SULF1: variants seen among roughly 807,000 people sequenced by gnomAD.
SULF1 encodes the protein extracellular sulfatase Sulf-1.
In SULF1, 46 loss-of-function variants were observed where a neutral mutation model predicts 110.5. That is an observed-to-expected ratio of 0.42 (90% CI 0.33 to 0.53). The LOEUF (loss-of-function observed/expected upper bound fraction) is 0.53. SULF1 is among the 20% of genes least tolerant of loss of function. SULF1 has a pLI of 0.12. For synonymous variants in SULF1, 371 were observed against 387.1 expected, an observed-to-expected ratio of 0.96 and a Z score of 0.49; for missense variants, 941 against 1,094.2, an observed-to-expected ratio of 0.86 and a Z score of 1.98.
At chr8:69,560,010 G>A (rs907154043) in intron 3 of SULF1, among the ~76,000 whole-genome samples, 8 of 152,158 alleles carry the variant, frequency 5.3e-5, no homozygotes, top group Non-Finnish European at 8.8e-5. Flanking sequence ...AAATGTCAGC[G>A]CAGTGAAGAA....
At chr8:69,517,265 T>C (rs1424836882) in intron 3 of SULF1, among the ~76,000 whole-genome samples, 1 of 152,152 alleles carries the variant, frequency 6.6e-6, no homozygotes, top group Non-Finnish European at 1.5e-5. Context: ...TAATGGAAAT[T>C]ATCTGTCCAT....
intron 8 of SULF1, among the ~76,000 whole-genome samples, chr8:69,589,798 G>A (rs1806758367): frequency 6.6e-6 from 1 of 152,090 alleles, no homozygotes; most frequent in Non-Finnish European, 1.5e-5. Flanking sequence ...ACCAGCCAAA[G>A]GTGGAAAAAT....
At chr8:69,625,783 G>A (rs1450557318) in intron 15 of SULF1, among the ~76,000 whole-genome samples, 5 of 152,206 alleles carry the variant, frequency 3.3e-5, no homozygotes, top group Admixed American at 2.0e-4. Context: ...CAGTGTGGAA[G>A]GGGACCCAGG....
intron 22 of SULF1, among the ~76,000 whole-genome samples, chr8:69,652,143 A>AC (rs1473610731): frequency 6.6e-6 from 1 of 150,626 alleles, no homozygotes; most frequent in Non-Finnish European, 1.5e-5. Context: ...CTCGTTCTCT[A>AC]CCCCTCCTTC....
intron 1 of SULF1, among the ~76,000 whole-genome samples, chr8:69,473,867 C>T (rs1197840915): frequency 6.6e-6 from 1 of 152,082 alleles, no homozygotes; most frequent in Non-Finnish European, 1.5e-5. Flanking sequence ...TTTATTTTGT[C>T]CTATGATCTT....
intron 5 of SULF1, among the ~76,000 whole-genome samples, chr8:69,574,341 T>G (rs1805448746): frequency 6.6e-6 from 1 of 152,180 alleles, no homozygotes; most frequent in Non-Finnish European, 1.5e-5. Context: ...TCACTCTACT[T>G]GTTTCTTCCC....
intron 11 of SULF1, 110 bp from the exon 12 acceptor site, chr8:69,603,490 A>G: frequency 7.6e-7 from 1 of 1,312,238 alleles, no homozygotes; most frequent in Non-Finnish European, 1.1e-6. Flanking sequence ...ATGGAGATGC[A>G]CTCATGGTCT....
At chr8:69,509,846 C>T (rs184990764) in intron 3 of SULF1, among the ~76,000 whole-genome samples, 4 of 152,244 alleles carry the variant, frequency 2.6e-5, no homozygotes, top group Admixed American at 2.6e-4. Context: ...CTGAAATGTC[C>T]CTCCTGGGTA....
chr8:69,565,410 A>C (rs1211033093), intron 5 of SULF1, among the ~76,000 whole-genome samples: 2 of 152,168 alleles, frequency 1.3e-5, no homozygotes, highest in Non-Finnish European at 2.9e-5. Flanking sequence ...GGTCCATTTC[A>C]AGTTAGTTTA....
chr8:69,520,304 T>A (rs1563491146), intron 3 of SULF1, among the ~76,000 whole-genome samples: 1 of 152,288 alleles, frequency 6.6e-6, no homozygotes, highest in Non-Finnish European at 1.5e-5. Context: ...CTGTTTTTTT[T>A]TCCAATGAAA....
At chr8:69,484,183 C>T (rs929120810) in intron 1 of SULF1, among the ~76,000 whole-genome samples, 2 of 151,988 alleles carry the variant, frequency 1.3e-5, no homozygotes, top group Non-Finnish European at 1.5e-5. Context: ...ATGTCTTTTC[C>T]TCATATTTAG....
chr8:69,642,984 A>G (rs753106367), intron 22 of SULF1, among the ~76,000 whole-genome samples: 5 of 152,068 alleles, frequency 3.3e-5, no homozygotes, highest in Admixed American at 6.5e-5. Context: ...CAGGGGCAAC[A>G]TGGTGTTACC....
intron 2 of SULF1, among the ~76,000 whole-genome samples, chr8:69,497,708 A>T (rs1217902065): frequency 2.0e-5 from 3 of 152,162 alleles, no homozygotes; most frequent in Non-Finnish European, 4.4e-5. Flanking sequence ...AAATTTGATG[A>T]GTTTACAAAG....
Position 69,629,690 on chromosome 8 carries a change from T to A in SULF1, c.2284+11T>A. The A allele has an allele frequency of 6.3e-7, 1 of 1,585,932 alleles. No homozygotes were observed. The highest frequency in any genetic ancestry group is 1.1e-5 in the South Asian group (1 of 86,960). On this transcript the variant is annotated intron_variant, in intron 19 of 22. Transcript: ENST00000402687. ...CCCCGTTCTGGAACCGTAAGTTGCT[T>A]GTTCCAAATGCCACTTCCTGCCGCC... is the stretch of plus-strand genomic sequence containing the variant.
chr8:69,589,149 A>G lies in SULF1; in HGVS notation c.734+8A>G, dbSNP rs969158681. ...CAATGCTTCCCAACACATGTAAGTA[A>G]CAAACTCAACTCTGCGACCTGCCGA... On this transcript the variant is annotated splice_region_variant and intron_variant, in intron 8 of 22. Transcript: ENST00000402687. 1.9e-6 allele frequency: 3 copies of G among 1,610,800 alleles called. No homozygotes were observed. The highest frequency in any genetic ancestry group is 1.7e-5 in the Admixed American group (1 of 59,846).
chr8:69,658,969 A>C lies in SULF1; in HGVS notation c.*434A>C. 1 of 458,398 alleles carries C rather than the reference A, an allele frequency of 2.2e-6. No homozygotes were observed. The highest frequency in any genetic ancestry group is 4.4e-6 in the Non-Finnish European group (1 of 227,992). 28.4% of individuals were successfully genotyped at this position (458,398 alleles called of 1,614,324 possible). ...TTTGAATTCTGAACACTGGAGAAAA[A>C]CCGAAAAATGGACGGGGCATGAAGA... On this transcript the variant is annotated 3_prime_UTR_variant, in exon 23 of 23. Coordinates refer to ENST00000402687, the MANE Select transcript of SULF1 (RefSeq NM_001128205.2).
rs752308637 is a variant in SULF1 at position 69,603,204 on chromosome 8, C to T, written c.1074C>T (p.Ile358=). ...SVEPGSIVPQ[I]VLNIDLAPTI... ...TGCCCCTTTACAGAGTCCCACAGAT[C>T]GTTCTCAACATTGACTTGGCCCCCA... Residue 358 remains isoleucine (I), a synonymous_variant, in exon 11 of 23, where the codon ATC becomes ATT. Transcript: ENST00000402687. 7.4e-6 allele frequency: 12 copies of T among 1,614,124 alleles called. No homozygotes were observed. Among genetic ancestry groups the T allele is most frequent in the Admixed American group, 6.7e-5 (4 of 60,026 alleles).
At chr8:69,596,290 C>T (rs970955791) in intron 8 of SULF1, among the ~76,000 whole-genome samples, 1 of 152,134 alleles carries the variant, frequency 6.6e-6, no homozygotes, top group African/African-American at 2.4e-5. Context: ...CCAGGTTAGG[C>T]ACACGTGACT....
intron 21 of SULF1, among the ~76,000 whole-genome samples, chr8:69,640,096 G>GTA (rs1425991020): frequency 1.2e-4 from 18 of 147,126 alleles, no homozygotes; most frequent in African/African-American, 4.5e-4. Flanking sequence ...AGGGAGGGAG[G>GTA]GAGAGAGAGA....
Sources: allele counts gnomAD v4.1 joint callset (sites outside exome capture counted in the v4.1 genomes callset), GRCh38; gene constraint gnomAD v4.1.1; transcripts MANE v1.5; gene names NCBI Gene and HGNC (gene_info 2026-07-23, HGNC 2026-07-21).